The following PDE5A variants were observed in gnomAD, a reference collection of about 807,000 sequenced individuals.
PDE5A encodes the protein cGMP-specific 3',5'-cyclic phosphodiesterase.
In PDE5A, 67 loss-of-function variants were observed where a neutral mutation model predicts 110.2. That is an observed-to-expected ratio of 0.61 (90% CI 0.50 to 0.75). The LOEUF (loss-of-function observed/expected upper bound fraction) is 0.75. Ranked by LOEUF, PDE5A falls within the 30% of genes least tolerant of loss-of-function variation. PDE5A has a pLI of 0.00. For missense variants in PDE5A, 862 were observed against 1,045.1 expected, an observed-to-expected ratio of 0.82 and a Z score of 2.42; for synonymous variants, 328 against 351.2, an observed-to-expected ratio of 0.93 and a Z score of 0.74.
chr4:119,555,269 T>G (rs1032725913), intron 7 of PDE5A, among the ~76,000 whole-genome samples: 19 of 152,078 alleles, frequency 1.2e-4, no homozygotes. Context: ...GACAGAAGAG[T>G]GACATAATAG....
chr4:119,577,636 AC>A (rs1394054115), intron 3 of PDE5A, among the ~76,000 whole-genome samples: 3 of 152,102 alleles, frequency 2.0e-5, no homozygotes, highest in Admixed American at 2.0e-4. Flanking sequence ...AATTTCAACA[AC>A]CCTTCATGCT....
chr4:119,619,369 C>T (rs1455308220), intron 1 of PDE5A, among the ~76,000 whole-genome samples: 2 of 152,142 alleles, frequency 1.3e-5, no homozygotes, highest in Non-Finnish European at 2.9e-5. Flanking sequence ...TTTTTAAGCT[C>T]ACTTATGAAT....
At chr4:119,599,114 A>C (rs1228999138) in intron 2 of PDE5A, among the ~76,000 whole-genome samples, 1 of 152,142 alleles carries the variant, frequency 6.6e-6, no homozygotes, top group Non-Finnish European at 1.5e-5. Context: ...GGTACTCCCT[A>C]AGACTAAATT....
At chr4:119,518,029 C>T (rs1405530470) in intron 14 of PDE5A, among the ~76,000 whole-genome samples, 1 of 152,142 alleles carries the variant, frequency 6.6e-6, no homozygotes, top group Non-Finnish European at 1.5e-5. Context: ...CAGGCAAGAG[C>T]TTGCTATCTT....
chr4:119,534,991 G>C (rs960025792), intron 11 of PDE5A, among the ~76,000 whole-genome samples: 4 of 152,136 alleles, frequency 2.6e-5, no homozygotes, highest in African/African-American at 9.7e-5. Context: ...CTGCCTCCGT[G>C]ACAAAAATGA....
intron 3 of PDE5A, among the ~76,000 whole-genome samples, chr4:119,581,762 C>T (rs559968407): frequency 3.9e-5 from 6 of 152,212 alleles, no homozygotes; most frequent in East Asian, 3.9e-4. Context: ...GGCAATAAAG[C>T]GAGTTACACA....
rs1730435404 is a variant in PDE5A at position 119,628,303 on chromosome 4, G to GCAAGTACATTTTTGTATCTGAAC, written c.152+216_152+217insGTTCAGATACAAAAATGTACTTG. 2.0e-5 allele frequency among the ~76,000 whole-genome samples: 3 copies of GCAAGTACATTTTTGTATCTGAAC among 149,262 alleles called. No homozygotes were observed. In the South Asian group the frequency reaches 6.5e-4, roughly 32 times the overall value. Reference sequence around the variant, plus strand: ...GGTCGGGGGTGAGGGTGGGAGGTCGGCAAGTACATTTTTGTATTTGAACTT... The same window carrying GCAAGTACATTTTTGTATCTGAAC: ...GGTCGGGGGTGAGGGTGGGAGGTCGGCAAGTACATTTTTGTATCTGAACCAAGTACATTTTTGTATTTGAACTT... On this transcript the variant is annotated intron_variant, in intron 1 of 20. Coordinates refer to ENST00000354960, the MANE Select transcript of PDE5A (RefSeq NM_001083.4).
rs545902083 is a variant in PDE5A, at chr4:119,498,522, A to G, written c.*79T>C. On this transcript the variant is annotated 3_prime_UTR_variant, in exon 21 of 21. Transcript: ENST00000354960. Reference sequence around the variant, plus strand: ...AGTATATACCAAATACAGACACTATACAGACAGTGTGTAAGAAACTAGGCA... The same window carrying G: ...AGTATATACCAAATACAGACACTATGCAGACAGTGTGTAAGAAACTAGGCA... 21 of 1,493,332 alleles carry G rather than the reference A, an allele frequency of 1.4e-5. No individual in the cohort carries two copies. Among genetic ancestry groups the G allele is most frequent in the Admixed American group, 6.8e-5 (4 of 58,544 alleles). The allele number at this position is 1,493,332 out of a possible 1,614,324, so 92.5% of individuals were successfully genotyped here.
At position 119,495,047 on chromosome 4, in the gene PDE5A, A is replaced by G. The variant is rs1247202388; in HGVS notation, c.*3554T>C. 6.6e-6 allele frequency: 1 copy of G among 152,556 alleles called. No individual in the cohort carries two copies. The highest frequency in any genetic ancestry group is 2.4e-5 in the African/African-American group (1 of 41,460). 9.5% of individuals were successfully genotyped at this position (152,556 alleles called of 1,614,324 possible). Reference sequence around the variant, plus strand: ...AAAACTCCTAAAGTGTTCTTCAACTATCAGCAGGTTAAGTGATTCATACTT... The same window carrying G: ...AAAACTCCTAAAGTGTTCTTCAACTGTCAGCAGGTTAAGTGATTCATACTT... On this transcript the variant is annotated 3_prime_UTR_variant, in exon 21 of 21. Coordinates refer to ENST00000354960, the MANE Select transcript of PDE5A (RefSeq NM_001083.4).
At chr4:119,547,215 C>T (rs12498539) in intron 9 of PDE5A, among the ~76,000 whole-genome samples, 40,880 of 150,396 alleles carry the variant, frequency 0.27, 5,585 homozygotes, top group East Asian at 0.39. Flanking sequence ...TATAGAAATT[C>T]CCCATTTCAC....
chr4:119,611,511 G>C (rs1201830565), intron 1 of PDE5A, among the ~76,000 whole-genome samples: 2 of 152,210 alleles, frequency 1.3e-5, no homozygotes, highest in Non-Finnish European at 2.9e-5. Context: ...CCTTGGATGT[G>C]TAAGTCTCAC....
At chr4:119,503,866 G>GT (rs775863047) in intron 18 of PDE5A, among the ~76,000 whole-genome samples, 7 of 152,000 alleles carry the variant, frequency 4.6e-5, no homozygotes, top group Non-Finnish European at 1.0e-4. Flanking sequence ...CCAATTATCT[G>GT]TTTTTAATAC....
In PDE5A at chr4:119,496,295, G is replaced by A. The variant is rs1725068467; in HGVS notation, c.*2306C>T. On this transcript the variant is annotated 3_prime_UTR_variant, in exon 21 of 21. Transcript: ENST00000354960. ...GACTGTATGTATATTTTTCCAACTT[G>A]AGAAGATACTAGAAAGGAAATTAAA... is the stretch of plus-strand genomic sequence containing the variant. 6.6e-6 allele frequency: 1 copy of A among 152,066 alleles called. No individual in the cohort carries two copies. The highest frequency in any genetic ancestry group is 6.6e-5 in the Admixed American group (1 of 15,248). 9.4% of individuals were successfully genotyped at this position (152,066 alleles called of 1,614,324 possible). A position where few individuals can be genotyped will look rare whatever the true frequency, so the allele number is the denominator to read the frequency against.
intron 19 of PDE5A, 81 bp from the exon 20 acceptor site, chr4:119,501,334 G>A: frequency 1.2e-6 from 1 of 845,488 alleles, no homozygotes; most frequent in Non-Finnish European, 1.9e-6. Context: ...TTTTTGAGAT[G>A]GAGTCTCACT....
chr4:119,512,202 A>G (rs1030195505), intron 14 of PDE5A: 4 of 152,144 alleles, frequency 2.6e-5, no homozygotes, highest in Admixed American at 2.0e-4. Flanking sequence ...CTGAGGGAAA[A>G]AGAAAATAGT....
At chr4:119,512,424 A>G (rs1015302294) in intron 14 of PDE5A, 1 of 152,172 alleles carries the variant, frequency 6.6e-6, no homozygotes, top group African/African-American at 2.4e-5. Context: ...TAACAGGACT[A>G]TATTTCTGAA....
At chr4:119,551,776 G>A (rs1011816808) in intron 9 of PDE5A, 3 of 151,936 alleles carry the variant, frequency 2.0e-5, no homozygotes, top group Admixed American at 6.6e-5. Flanking sequence ...TCTTGCAATT[G>A]GAAAAGTATT....
rs79019134 is a variant in PDE5A at position 119,570,367 on chromosome 4, A to C, written c.832-3223T>G. Among the ~76,000 whole-genome samples the C allele has an allele frequency of 7.0e-3, 1,062 of 152,288 alleles. 14 individuals carry two copies. The highest frequency in any genetic ancestry group is 0.024 in the African/African-American group (996 of 41,564). Reference sequence around the variant, plus strand: ...TGTGAGAGGCAGCACCCCTAAAAGCATTAGCTTCCATATCAGAATGTCCAT... The same window carrying C: ...TGTGAGAGGCAGCACCCCTAAAAGCCTTAGCTTCCATATCAGAATGTCCAT... On this transcript the variant is annotated intron_variant, in intron 3 of 20. Coordinates refer to ENST00000354960, the MANE Select transcript of PDE5A (RefSeq NM_001083.4).
At position 119,519,046 on chromosome 4, in the gene PDE5A, G is replaced by A. The variant is rs772573606; in HGVS notation, c.1999C>T (p.Arg667Ter). The part of the protein sequence containing the change: ...HRGVNNSYIQ[R>*]SEHPLAQLYC... ...CTTGCTTTACTGGGAAAGTCTTACCGCTGTATGTAAGAGTTATTCACACCA... is the reference window on the plus strand; with the variant it reads ...CTTGCTTTACTGGGAAAGTCTTACCACTGTATGTAAGAGTTATTCACACCA... The change falls in exon 14 of 21, where the codon CGA (arginine) becomes TGA (stop). Residue 667 changes from arginine to a stop codon, truncating the protein, a stop_gained and splice_region_variant. Transcript: ENST00000354960. LOFTEE classifies it high-confidence loss of function. The A allele has an allele frequency of 1.1e-5, 17 of 1,600,896 alleles. No homozygotes were observed. Among genetic ancestry groups the A allele is most frequent in the East Asian group, 2.2e-5 (1 of 44,784 alleles).
Sources: gnomAD v4.1 joint callset for allele counts (sites outside exome capture counted in the v4.1 genomes callset) on GRCh38, gnomAD v4.1.1 for gene constraint, MANE v1.5 for transcripts, NCBI Gene and HGNC (gene_info 2026-07-23, HGNC 2026-07-21) for gene names.